MAPK10: variants seen among roughly 807,000 people sequenced by gnomAD.
MAPK10 encodes the protein JNK3 alpha protein kinase.
A neutral mutation model predicts 59.3 loss-of-function variants in MAPK10; 25 were observed. The ratio of observed to expected loss-of-function variants is 0.42; its 90% CI spans 0.31 to 0.59. MAPK10 has a LOEUF of 0.59. Among genes scored for constraint, MAPK10 ranks in the 20% least tolerant of loss-of-function variants. MAPK10 has a pLI of 0.15. For synonymous variants in MAPK10, 190 were observed against 200.5 expected (o/e 0.95, Z 0.44); for missense variants, 351 against 568.9 (o/e 0.62, Z 3.90).
At chr4:86,355,825 AC>A (rs1734165563) in intron 1 of MAPK10, among the ~76,000 whole-genome samples, 2 of 152,130 alleles carry the variant, frequency 1.3e-5, no homozygotes, top group South Asian at 4.1e-4. Flanking sequence ...AACAGACCTA[AC>A]CTAAGAGCTT....
intron 4 of MAPK10, chr4:86,117,485 T>G (rs1000325344): frequency 6.6e-6 from 1 of 152,168 alleles, no homozygotes; most frequent in Non-Finnish European, 1.5e-5. Flanking sequence ...AATAAGAACT[T>G]TTGGCTGTCT....
intron 1 of MAPK10, among the ~76,000 whole-genome samples, chr4:86,441,509 A>G (rs1236940653): frequency 6.6e-6 from 1 of 152,232 alleles, no homozygotes; most frequent in Admixed American, 6.5e-5. Flanking sequence ...CACAATAGAA[A>G]TTTCAGGCTT....
chr4:86,176,269 T>C (rs921790131), intron 3 of MAPK10, among the ~76,000 whole-genome samples: 2 of 152,160 alleles, frequency 1.3e-5, no homozygotes, highest in African/African-American at 4.8e-5. Flanking sequence ...AATCCAAAAG[T>C]TGATGCTTCT....
intron 1 of MAPK10, among the ~76,000 whole-genome samples, chr4:86,517,326 A>G (rs1425560008): frequency 9.3e-5 from 11 of 118,610 alleles, no homozygotes; most frequent in Non-Finnish European, 1.1e-4. Flanking sequence ...CCCAGGCTGG[A>G]GTGCAGTGGT....
chr4:86,282,034 G>A (rs572609757), intron 2 of MAPK10, among the ~76,000 whole-genome samples: 8 of 152,068 alleles, frequency 5.3e-5, no homozygotes, highest in Non-Finnish European at 1.2e-4. Context: ...AATAATTATC[G>A]AAGGGACTAG....
intron 1 of MAPK10, among the ~76,000 whole-genome samples, chr4:86,566,873 G>T (rs1018768093): frequency 6.6e-6 from 1 of 151,812 alleles, no homozygotes; most frequent in Non-Finnish European, 1.5e-5. Context: ...GTTCAAGATC[G>T]GTCTAGGCAA....
intron 2 of MAPK10, among the ~76,000 whole-genome samples, chr4:86,297,460 C>T (rs2148835605): frequency 6.6e-6 from 1 of 152,130 alleles, no homozygotes; most frequent in African/African-American, 2.4e-5. Flanking sequence ...TTACTGGTGC[C>T]CACCACCAAG....
intron 2 of MAPK10, among the ~76,000 whole-genome samples, chr4:86,297,413 G>A (rs1389440563): frequency 6.6e-5 from 10 of 152,058 alleles, no homozygotes; most frequent in South Asian, 6.2e-4. Context: ...GGATTCAAGC[G>A]ATTCTCCTGC....
chr4:86,543,942 ACT>A (rs760806307), intron 1 of MAPK10, among the ~76,000 whole-genome samples: 2 of 152,216 alleles, frequency 1.3e-5, no homozygotes, highest in African/African-American at 2.4e-5. Flanking sequence ...AAGTTTAATG[ACT>A]CTGCATACTG....
chr4:86,050,729 T>C (rs1327631690), intron 11 of MAPK10, among the ~76,000 whole-genome samples: 10 of 152,276 alleles, frequency 6.6e-5, no homozygotes, highest in Non-Finnish European at 1.5e-5. Context: ...GAATAAACTA[T>C]TGTTCATGAT....
At chr4:86,283,367 G>A (rs1225006476) in intron 2 of MAPK10, among the ~76,000 whole-genome samples, 1 of 152,200 alleles carries the variant, frequency 6.6e-6, no homozygotes, top group Non-Finnish European at 1.5e-5. Context: ...TACCAGCAGT[G>A]CTGGGCAGCA....
At chr4:86,429,193 GT>G (rs1423812247) in intron 1 of MAPK10, among the ~76,000 whole-genome samples, 1 of 151,964 alleles carries the variant, frequency 6.6e-6, no homozygotes, top group Non-Finnish European at 1.5e-5. Context: ...GTAAATTTAG[GT>G]TTCCACATGC....
At chr4:86,189,929 C>G (rs1018211320) in intron 3 of MAPK10, among the ~76,000 whole-genome samples, 3 of 152,080 alleles carry the variant, frequency 2.0e-5, no homozygotes, top group Non-Finnish European at 2.9e-5. Flanking sequence ...CCATCAGTGC[C>G]TAGTTTATTG....
At chr4:86,333,025 G>C (rs6842671) in intron 2 of MAPK10, among the ~76,000 whole-genome samples, 9,112 of 152,158 alleles carry the variant, frequency 0.06, 350 homozygotes, top group Middle Eastern at 0.092. Context: ...TACACAGGCT[G>C]CCCTCAAACT....
chr4:86,242,815 A>G (rs961247162), intron 2 of MAPK10, among the ~76,000 whole-genome samples: 3 of 152,058 alleles, frequency 2.0e-5, no homozygotes, highest in African/African-American at 4.8e-5. Flanking sequence ...CCCCTCCCCA[A>G]AGGAGCTCAA....
chr4:86,578,929 T>C (rs2149111322), intron 1 of MAPK10, among the ~76,000 whole-genome samples: 1 of 152,142 alleles, frequency 6.6e-6, no homozygotes, highest in South Asian at 2.1e-4. Flanking sequence ...AACATCAACA[T>C]TAGAGGAACA....
At chr4:86,277,735 T>A (rs954674602) in intron 2 of MAPK10, among the ~76,000 whole-genome samples, 1 of 152,122 alleles carries the variant, frequency 6.6e-6, no homozygotes, top group African/African-American at 2.4e-5. Context: ...ACATCAAACA[T>A]TGGCTTATTA....
intron 2 of MAPK10, among the ~76,000 whole-genome samples, chr4:86,242,620 G>A (rs2092805347): frequency 6.6e-6 from 1 of 152,224 alleles, no homozygotes; most frequent in South Asian, 2.1e-4. Context: ...AAGAGCCACT[G>A]TAGGCCCTGA....
chr4:86,525,124 C>T (rs1444024823), intron 1 of MAPK10, among the ~76,000 whole-genome samples: 4 of 151,988 alleles, frequency 2.6e-5, no homozygotes, highest in South Asian at 2.1e-4. Context: ...GGCGAAACCC[C>T]GTCTCCACCA....
Sources: allele counts gnomAD v4.1 joint callset (sites outside exome capture counted in the v4.1 genomes callset), GRCh38; gene constraint gnomAD v4.1.1; transcripts MANE v1.5; gene names NCBI Gene and HGNC (gene_info 2026-07-23, HGNC 2026-07-21).